Variants in CHCHD3 observed in about 807,000 individuals in gnomAD.
The protein encoded by CHCHD3 is coiled-coil-helix-coiled-coil-helix domain containing 3.
A neutral mutation model predicts 38.2 loss-of-function variants in CHCHD3; 20 were observed. The ratio of observed to expected loss-of-function variants is 0.52; its 90% CI spans 0.37 to 0.76. The LOEUF (loss-of-function observed/expected upper bound fraction) is 0.76, where lower values mean the gene tolerates loss of function less well. Ranked by LOEUF, CHCHD3 falls within the 30% of genes least tolerant of loss-of-function variation. CHCHD3 has a pLI of 0.00. For missense variants in CHCHD3, 245 were observed against 279.2 expected, an observed-to-expected ratio of 0.88 and a Z score of 0.87; for synonymous variants, 82 against 100.0, an observed-to-expected ratio of 0.82 and a Z score of 1.07.
At chr7:132,983,824 T>G (rs774925947) in intron 3 of CHCHD3, among the ~76,000 whole-genome samples, 24 of 152,192 alleles carry the variant, frequency 1.6e-4, no homozygotes, top group African/African-American at 5.8e-4. Context: ...GATAAGTGAA[T>G]CCAGCATAAG....
intron 2 of CHCHD3, among the ~76,000 whole-genome samples, chr7:133,055,249 A>G (rs1056497445): frequency 6.8e-6 from 1 of 147,510 alleles, no homozygotes; most frequent in Non-Finnish European, 1.5e-5. Flanking sequence ...ATATGTTTAT[A>G]ATATACTTAT....
intron 6 of CHCHD3, among the ~76,000 whole-genome samples, chr7:132,837,379 T>A (rs888920706): frequency 5.3e-5 from 8 of 152,218 alleles, no homozygotes; most frequent in Non-Finnish European, 7.3e-5. Flanking sequence ...AGATCTCACA[T>A]TAATCTCTAA....
intron 2 of CHCHD3, among the ~76,000 whole-genome samples, chr7:133,048,203 GT>G (rs1814052507): frequency 6.6e-6 from 1 of 152,096 alleles, no homozygotes; most frequent in Non-Finnish European, 1.5e-5. Context: ...GCCATGAGCT[GT>G]GGGGATAAAG....
intron 2 of CHCHD3, among the ~76,000 whole-genome samples, chr7:133,044,492 C>A (rs1466200081): frequency 6.6e-6 from 1 of 151,652 alleles, no homozygotes; most frequent in African/African-American, 2.4e-5. Context: ...AATAATTACC[C>A]CAAAATAATA....
At chr7:132,929,353 A>G (rs1810462565) in intron 4 of CHCHD3, among the ~76,000 whole-genome samples, 3 of 151,892 alleles carry the variant, frequency 2.0e-5, no homozygotes, top group Non-Finnish European at 4.4e-5. Context: ...TTCATCCTCC[A>G]TCTGCCTTGC....
chr7:133,052,208 C>T (rs1273932857), intron 2 of CHCHD3: 2 of 152,226 alleles, frequency 1.3e-5, no homozygotes, highest in Non-Finnish European at 1.5e-5. Context: ...TCTGTGCTAA[C>T]CATTCTGCAG....
chr7:132,990,953 C>T (rs1812264029), intron 3 of CHCHD3, among the ~76,000 whole-genome samples: 1 of 141,008 alleles, frequency 7.1e-6, no homozygotes, highest in South Asian at 2.2e-4. Flanking sequence ...GACACACATA[C>T]ACACACACAC....
At chr7:132,849,007 T>C (rs1242998324) in intron 5 of CHCHD3, 1 of 152,244 alleles carries the variant, frequency 6.6e-6, no homozygotes, top group African/African-American at 2.4e-5. Context: ...TCCAGTATTC[T>C]GTTTCTGAAA....
In CHCHD3 at chr7:132,860,633, C is replaced by CT. The variant is rs543721643; in HGVS notation, c.454-22165dup. On this transcript the variant is annotated intron_variant, in intron 5 of 7. Transcript: ENST00000262570. ...AAGAAACGATATAATCTGACTCAAG[C>CT]TTTTTTTTTTTGAGACAGAGTCTCA... is the stretch of plus-strand genomic sequence containing the variant. Among the ~76,000 whole-genome samples the CT allele has an allele frequency of 2.0e-3, 299 of 146,394 alleles. 1 individual carries two copies. The highest frequency in any genetic ancestry group is 6.1e-3 in the African/African-American group (243 of 40,120).
chr7:133,022,134 C>A (rs1221689230), intron 3 of CHCHD3, among the ~76,000 whole-genome samples: 1 of 151,818 alleles, frequency 6.6e-6, no homozygotes, highest in Non-Finnish European at 1.5e-5. Flanking sequence ...AAAAGGGTTA[C>A]AATGATAATA....
At chr7:132,841,489 G>T (rs921056714) in intron 5 of CHCHD3, among the ~76,000 whole-genome samples, 1 of 150,180 alleles carries the variant, frequency 6.7e-6, no homozygotes, top group Non-Finnish European at 1.5e-5. Flanking sequence ...ATGAGAGAAC[G>T]GATAACTACT....
intron 3 of CHCHD3, among the ~76,000 whole-genome samples, chr7:132,998,222 C>T (rs544723813): frequency 6.6e-6 from 1 of 152,290 alleles, no homozygotes; most frequent in East Asian, 1.9e-4. Context: ...AGTTGCATAA[C>T]ATCCTAAAAT....
intron 5 of CHCHD3, among the ~76,000 whole-genome samples, chr7:132,868,756 C>T (rs933231830): frequency 2.0e-5 from 3 of 152,104 alleles, no homozygotes; most frequent in African/African-American, 4.8e-5. Context: ...AAATGAAAAG[C>T]TTGGTTTTCA....
chr7:132,928,112 G>A (rs1810418338), intron 4 of CHCHD3, among the ~76,000 whole-genome samples: 2 of 152,108 alleles, frequency 1.3e-5, no homozygotes, highest in African/African-American at 4.8e-5. Context: ...CTGATTCAGA[G>A]GGAATCCCAT....
chr7:133,082,044 G>C lies in CHCHD3; in HGVS notation c.-107C>G. 1 of 1,051,160 alleles carries C rather than the reference G, an allele frequency of 9.5e-7. No individual in the cohort carries two copies. Among genetic ancestry groups the C allele is most frequent in the South Asian group, 1.7e-5 (1 of 59,978 alleles). 65.1% of individuals were successfully genotyped at this position (1,051,160 alleles called of 1,614,324 possible). On this transcript the variant is annotated 5_prime_UTR_variant, in exon 1 of 8. Transcript: ENST00000262570. ...GGCCTGGATTCTTTTCCCGCACAGC[G>C]GGAGCAAGGCCACGACCCCCAGAAG... is the stretch of plus-strand genomic sequence containing the variant.
chr7:133,022,357 A>G (rs1044361592), intron 3 of CHCHD3: 18 of 456,320 alleles, frequency 3.9e-5, no homozygotes, highest in African/African-American at 3.0e-4. Context: ...AAGAGGAGCT[A>G]TTTTCTAAAA....
intron 6 of CHCHD3, among the ~76,000 whole-genome samples, chr7:132,818,394 A>G (rs889602144): frequency 9.2e-5 from 14 of 152,212 alleles, no homozygotes; most frequent in Middle Eastern, 3.2e-3. Context: ...TTGAGCCAGA[A>G]AAAGGAATGG....
At chr7:132,851,959 T>TC in intron 5 of CHCHD3, among the ~76,000 whole-genome samples, 1 of 152,320 alleles carries the variant, frequency 6.6e-6, no homozygotes. Flanking sequence ...TTGTGCTTGC[T>TC]CAGCTACAGG....
rs181424238 is a variant in CHCHD3, at chr7:132,936,337, A to G, written c.369+38832T>C. On this transcript the variant is annotated intron_variant, in intron 4 of 7. Coordinates refer to ENST00000262570, the MANE Select transcript of CHCHD3 (RefSeq NM_017812.4). ...GACTGTAGCTGCTACCAAAGTAAAA[A>G]CTGAGAAATTCATCTAATTCTGGAA... is the stretch of plus-strand genomic sequence containing the variant. Among the ~76,000 whole-genome samples, 8 of 152,316 alleles carry G rather than the reference A, an allele frequency of 5.3e-5. No individual in the cohort carries two copies. In the East Asian group the frequency reaches 1.5e-3, roughly 29 times the overall value.
Sources: gnomAD v4.1 joint callset for allele counts (sites outside exome capture counted in the v4.1 genomes callset) on GRCh38, gnomAD v4.1.1 for gene constraint, MANE v1.5 for transcripts, NCBI Gene and HGNC (gene_info 2026-07-23, HGNC 2026-07-21) for gene names.